The following VCAN variants were observed in gnomAD, a reference collection of about 807,000 sequenced individuals.
VCAN encodes versican core protein.
In VCAN, 44 loss-of-function variants were observed where a neutral mutation model predicts 245.5. The ratio of observed to expected loss-of-function variants is 0.18; its 90% CI spans 0.14 to 0.23. The LOEUF (loss-of-function observed/expected upper bound fraction) is 0.23. Ranked by LOEUF, VCAN falls within the 10% of genes least tolerant of loss-of-function variation. The probability of loss-of-function intolerance (pLI) is 1.00; values close to 1 mark genes in which losing one functional copy is unlikely to be tolerated. For synonymous variants in VCAN, 1,413 were observed against 1,437.0 expected (o/e 0.98, Z 0.38); for missense variants, 3,793 against 4,057.9 (o/e 0.93, Z 1.77).
At chr5:83,515,817 C>T (rs1276803762) in intron 6 of VCAN, among the ~76,000 whole-genome samples, 1 of 152,160 alleles carries the variant, frequency 6.6e-6, no homozygotes, top group Non-Finnish European at 1.5e-5. Flanking sequence ...TGTGTGTGCC[C>T]TAGTTCATAA....
In VCAN at chr5:83,514,750, C is replaced by T. The variant is rs534583555; in HGVS notation, c.1042+2354C>T. ...CTGGGATTACAGGAGTGAGCCACTG[C>T]TCCTGGCCTAGTATATATTTTTAAA... On this transcript the variant is annotated intron_variant, in intron 6 of 14. Coordinates refer to ENST00000265077, the MANE Select transcript of VCAN (RefSeq NM_004385.5). Among the ~76,000 whole-genome samples the T allele has an allele frequency of 5.3e-5, 8 of 152,234 alleles. No individual in the cohort carries two copies. The East Asian group carries it at 1.5e-3, about 29-fold the overall frequency.
Position 83,540,467 on chromosome 5 carries a change from G to C in VCAN, c.7464G>C (p.Met2488Ile), listed in dbSNP as rs1266750330. 6.2e-7 allele frequency: 1 copy of C among 1,613,996 alleles called. No homozygotes were observed. Among genetic ancestry groups the C allele is most frequent in the Admixed American group, 1.7e-5 (1 of 59,990 alleles). The change falls in exon 8 of 15, where the codon ATG (methionine) becomes ATC (isoleucine). Residue 2488 changes from methionine (M) to isoleucine (I), a missense_variant. Coordinates refer to ENST00000265077, the MANE Select transcript of VCAN (RefSeq NM_004385.5). ...ATGGATTCCCAACAGTTTCAGTGAT[G>C]CTGCCTCTTCATTCAGAGCAGAACA... ...TADGFPTVSV[M>I]LPLHSEQNKS...
intron 5 of VCAN, among the ~76,000 whole-genome samples, chr5:83,503,540 AG>A (rs1745395252): frequency 6.6e-6 from 1 of 152,276 alleles, no homozygotes; most frequent in African/African-American, 2.4e-5. Context: ...CCAAAAGAGC[AG>A]GGAGTGCTGC....
intron 5 of VCAN, among the ~76,000 whole-genome samples, chr5:83,508,618 T>A (rs1745553083): frequency 6.6e-6 from 1 of 152,228 alleles, no homozygotes; most frequent in South Asian, 2.1e-4. Context: ...AGAATTTAAG[T>A]CACTTTTTTC....
intron 5 of VCAN, among the ~76,000 whole-genome samples, chr5:83,506,760 A>T (rs1362690227): frequency 1.3e-5 from 2 of 152,210 alleles, no homozygotes; most frequent in African/African-American, 4.8e-5. Flanking sequence ...GAGACTGAGA[A>T]GAAAAAGAGG....
chr5:83,530,614 A>G (rs1214987801), intron 7 of VCAN, among the ~76,000 whole-genome samples: 1 of 152,088 alleles, frequency 6.6e-6, no homozygotes, highest in African/African-American at 2.4e-5. Context: ...GACATTGCCT[A>G]TTTTTGTCAC....
At chr5:83,511,871 A>T (rs550985356) in intron 5 of VCAN, among the ~76,000 whole-genome samples, 1 of 152,330 alleles carries the variant, frequency 6.6e-6, no homozygotes, top group Admixed American at 6.5e-5. Context: ...GTACACACAC[A>T]CATACACGTA....
intron 5 of VCAN, 68 bp downstream of exon 5, chr5:83,493,999 G>A (rs1247289529): frequency 1.9e-6 from 3 of 1,609,578 alleles, no homozygotes; most frequent in Non-Finnish European, 1.7e-6. Flanking sequence ...GAAGTTCATT[G>A]GAATAGAGCA....
intron 2 of VCAN, among the ~76,000 whole-genome samples, chr5:83,486,853 A>T (rs1465474053): frequency 6.6e-6 from 1 of 152,230 alleles, no homozygotes; most frequent in Admixed American, 6.5e-5. Flanking sequence ...TTACAAATAT[A>T]CGATCCACAT....
chr5:83,541,363 T>G lies in VCAN; in HGVS notation c.8360T>G (p.Leu2787Arg). The stretch of plus-strand genomic sequence containing the variant: ...TATCTAAGTATTGCTACTACCCACC[T>G]TATGGATCAGAGTGTAACAGAGGTG... ...TPYLSIATTHLMDQSVTEVPD... is the reference protein window; with the variant it reads ...TPYLSIATTHRMDQSVTEVPD... The change falls in exon 8 of 15, where the codon CTT (leucine) becomes CGT (arginine). Residue 2787 changes from leucine to arginine, a missense_variant. Transcript: ENST00000265077. The G allele has an allele frequency of 1.9e-6, 3 of 1,614,136 alleles. No homozygotes were observed. The highest frequency in any genetic ancestry group is 2.5e-6 in the Non-Finnish European group (3 of 1,179,996).
chr5:83,485,265 T>A (rs974729434), intron 2 of VCAN, among the ~76,000 whole-genome samples: 2 of 152,058 alleles, frequency 1.3e-5, no homozygotes, highest in African/African-American at 4.8e-5. Flanking sequence ...CATGGAACAC[T>A]GTAGGCTTTA....
chr5:83,487,187 T>C (rs1744821486), intron 2 of VCAN, among the ~76,000 whole-genome samples: 1 of 152,218 alleles, frequency 6.6e-6, no homozygotes, highest in Admixed American at 6.5e-5. Context: ...TAGATAGTGA[T>C]ATTTGTCACT....
rs80170241 is a variant in VCAN at position 83,568,831 on chromosome 5, A to G, written c.9736-3585A>G. 8.5e-3 allele frequency among the ~76,000 whole-genome samples: 1,300 copies of G among 152,280 alleles called. 17 individuals are homozygous for G. The highest frequency in any genetic ancestry group is 0.03 in the African/African-American group (1,253 of 41,556). On this transcript the variant is annotated intron_variant, in intron 12 of 14. Transcript: ENST00000265077. Reference sequence around the variant, plus strand: ...GAATAAAATATTATCTCAGTCTCATATCACTCAGACATAAACTCTGGAAGA... The same window carrying G: ...GAATAAAATATTATCTCAGTCTCATGTCACTCAGACATAAACTCTGGAAGA...
intron 12 of VCAN, among the ~76,000 whole-genome samples, chr5:83,568,522 G>A (rs1471866583): frequency 1.3e-5 from 2 of 152,118 alleles, no homozygotes; most frequent in Non-Finnish European, 2.9e-5. Context: ...TTTGAGCCCC[G>A]AGAATCACTT....
intron 1 of VCAN, among the ~76,000 whole-genome samples, chr5:83,474,806 C>T (rs2112328331): frequency 6.6e-6 from 1 of 152,300 alleles, no homozygotes; most frequent in East Asian, 1.9e-4. Context: ...GACCCGAGTT[C>T]CATCCAGACA....
chr5:83,490,036 A>G, intron 2 of VCAN, 62 bp from the exon 3 acceptor site: 3 of 1,571,306 alleles, frequency 1.9e-6, no homozygotes, highest in Non-Finnish European at 2.6e-6. Flanking sequence ...CCATTCACAT[A>G]TTGAATAGAT....
At chr5:83,566,605 A>C in intron 12 of VCAN, among the ~76,000 whole-genome samples, 1 of 151,974 alleles carries the variant, frequency 6.6e-6, no homozygotes, top group East Asian at 1.9e-4. Flanking sequence ...TGGTATGTTG[A>C]CTGAATTAAG....
intron 12 of VCAN, among the ~76,000 whole-genome samples, chr5:83,569,643 A>G (rs1748215045): frequency 6.6e-6 from 1 of 152,176 alleles, no homozygotes; most frequent in Non-Finnish European, 1.5e-5. Flanking sequence ...AAAAAATGAG[A>G]GAGTAATGCA....
At chr5:83,574,893 G>T (rs375799250) in intron 13 of VCAN, among the ~76,000 whole-genome samples, 1 of 152,116 alleles carries the variant, frequency 6.6e-6, no homozygotes, top group African/African-American at 2.4e-5. Context: ...TTTTTAAAAG[G>T]TGTGTTTATC....
Sources: allele counts gnomAD v4.1 joint callset (sites outside exome capture counted in the v4.1 genomes callset), GRCh38; gene constraint gnomAD v4.1.1; transcripts MANE v1.5; gene names NCBI Gene and HGNC (gene_info 2026-07-23, HGNC 2026-07-21).